Variants in SUMF1 observed in about 807,000 individuals in gnomAD.
SUMF1 encodes formylglycine-generating enzyme.
SUMF1 carries 48 observed loss-of-function variants against 47.6 expected under a neutral mutation model. That is an observed-to-expected ratio of 1.01 (90% CI 0.80 to 1.28). The LOEUF is 1.28. SUMF1 is among the 50% of genes most tolerant of loss of function. The probability of loss-of-function intolerance (pLI) is 0.00; values close to 1 mark genes in which losing one functional copy is unlikely to be tolerated. For missense variants in SUMF1, 571 were observed against 485.4 expected (o/e 1.18, Z -1.66); for synonymous variants, 230 against 192.1 (o/e 1.20, Z -1.63).
chr3:4,146,472 A>G (rs1339182890), intron 8 of SUMF1, among the ~76,000 whole-genome samples: 2 of 152,124 alleles, frequency 1.3e-5, no homozygotes, highest in Non-Finnish European at 2.9e-5. Context: ...CAACACTGTC[A>G]GCATATGAAA....
At chr3:4,443,239 C>T (rs711638) in intron 3 of SUMF1, among the ~76,000 whole-genome samples, 35,683 of 151,666 alleles carry the variant, frequency 0.24, 4,909 homozygotes, top group Non-Finnish European at 0.3. Context: ...GATTGCACAC[C>T]GCACTCTAGC....
chr3:4,289,001 A>G (rs886178431), intron 8 of SUMF1, among the ~76,000 whole-genome samples: 3 of 152,214 alleles, frequency 2.0e-5, no homozygotes, highest in Non-Finnish European at 4.4e-5. Context: ...CCATCTCTTT[A>G]TTCATTATCA....
intron 3 of SUMF1, among the ~76,000 whole-genome samples, chr3:4,447,509 T>C (rs147981340): frequency 1.3e-5 from 2 of 151,744 alleles, no homozygotes; most frequent in Admixed American, 6.6e-5. Flanking sequence ...CCCAAAATCA[T>C]CTCCCCTACT....
intron 1 of SUMF1, among the ~76,000 whole-genome samples, chr3:4,462,874 A>C (rs2079849918): frequency 6.6e-6 from 1 of 152,150 alleles, no homozygotes; most frequent in Non-Finnish European, 1.5e-5. Flanking sequence ...ATGAAATGAC[A>C]TTCAAAGTTT....
chr3:4,448,166 A>G (rs1702847042), intron 3 of SUMF1, among the ~76,000 whole-genome samples: 1 of 152,216 alleles, frequency 6.6e-6, no homozygotes, highest in African/African-American at 2.4e-5. Context: ...TCTAAAACAC[A>G]TATTAAAAAG....
chr3:4,190,874 TC>T (rs1695300569), intron 8 of SUMF1, among the ~76,000 whole-genome samples: 1 of 152,084 alleles, frequency 6.6e-6, no homozygotes, highest in African/African-American at 2.4e-5. Flanking sequence ...GTCTACTATG[TC>T]CCCACTATAA....
At chr3:4,280,546 G>A (rs989230095) in intron 8 of SUMF1, among the ~76,000 whole-genome samples, 4 of 152,020 alleles carry the variant, frequency 2.6e-5, no homozygotes, top group Non-Finnish European at 5.9e-5. Context: ...AGGCTTTATA[G>A]AGAAGGTAGC....
At chr3:4,270,639 A>G (rs1697284971) in intron 8 of SUMF1, among the ~76,000 whole-genome samples, 1 of 152,228 alleles carries the variant, frequency 6.6e-6, no homozygotes, top group African/African-American at 2.4e-5. Flanking sequence ...GTCAAAAAAT[A>G]GCATTAAACT....
At chr3:4,149,700 C>A (rs956221876) in intron 8 of SUMF1, among the ~76,000 whole-genome samples, 13 of 152,162 alleles carry the variant, frequency 8.5e-5, no homozygotes, top group African/African-American at 3.1e-4. Flanking sequence ...ATACTACTAT[C>A]TCGAAAATTC....
intron 8 of SUMF1, chr3:4,314,142 C>A: frequency 3.9e-6 from 1 of 259,572 alleles, no homozygotes; most frequent in South Asian, 9.9e-5. Flanking sequence ...GGAAAGGAAG[C>A]CATTGCATAG....
At chr3:4,091,081 A>AAAC (rs1262704341) in intron 8 of SUMF1, among the ~76,000 whole-genome samples, 1 of 145,328 alleles carries the variant, frequency 6.9e-6, no homozygotes, top group Non-Finnish European at 1.5e-5. Context: ...ACTCCATAAA[A>AAAC]AACAACAACA....
Position 4,417,248 on chromosome 3 carries a change from A to G in SUMF1, c.726-6T>C. ...TGTTGCCCCAGGGGAAAAGTCTGTC[A>G]GAAGAGACACAGGCATCAGCCTGTC... On this transcript the variant is annotated splice_polypyrimidine_tract_variant and splice_region_variant and intron_variant, in intron 5 of 8. Transcript: ENST00000272902. 6.2e-7 allele frequency: 1 copy of G among 1,613,532 alleles called. No homozygotes were observed. Among genetic ancestry groups the G allele is most frequent in the Non-Finnish European group, 8.5e-7 (1 of 1,179,494 alleles).
intron 8 of SUMF1, among the ~76,000 whole-genome samples, chr3:4,336,191 T>G (rs1399614368): frequency 2.0e-5 from 3 of 151,934 alleles, no homozygotes; most frequent in African/African-American, 7.3e-5. Flanking sequence ...GACCTATGAT[T>G]TTTCCAAGGG....
intron 8 of SUMF1, among the ~76,000 whole-genome samples, chr3:4,308,868 T>C (rs1698296145): frequency 6.6e-6 from 1 of 152,226 alleles, no homozygotes; most frequent in South Asian, 2.1e-4. Flanking sequence ...TTGAAGAGAT[T>C]TATTCTGAGC....
At position 4,361,291 on chromosome 3, in the gene SUMF1, A is replaced by G. The variant is rs548008330; in HGVS notation, c.*853T>C. 16 of 152,674 alleles carry G rather than the reference A, an allele frequency of 1.0e-4. No homozygotes were observed. Among genetic ancestry groups the G allele is most frequent in the African/African-American group, 3.4e-4 (14 of 41,528 alleles). The allele number at this position is 152,674 out of a possible 1,614,324, so 9.5% of individuals were successfully genotyped here. On this transcript the variant is annotated 3_prime_UTR_variant, in exon 9 of 9. Coordinates refer to ENST00000272902, the MANE Select transcript of SUMF1 (RefSeq NM_182760.4). ...TCAAGGTCCTCGTTCCTTTTTCCCTATATCTAGAATTAAACAGGTTTCCCC... is the reference window on the plus strand; with the variant it reads ...TCAAGGTCCTCGTTCCTTTTTCCCTGTATCTAGAATTAAACAGGTTTCCCC...
At chr3:4,412,202 T>G (rs1701565566) in intron 6 of SUMF1, among the ~76,000 whole-genome samples, 1 of 152,166 alleles carries the variant, frequency 6.6e-6, no homozygotes. Flanking sequence ...CAGTGAGGGC[T>G]TCAATAACAA....
chr3:4,122,262 T>A (rs1202202542), intron 8 of SUMF1, among the ~76,000 whole-genome samples: 1 of 152,206 alleles, frequency 6.6e-6, no homozygotes, highest in East Asian at 1.9e-4. Flanking sequence ...CAGAATATTA[T>A]TTCAGCATTC....
intron 9 of SUMF1, among the ~76,000 whole-genome samples, chr3:4,047,556 T>G (rs1024531989): frequency 1.3e-5 from 2 of 152,162 alleles, no homozygotes; most frequent in African/African-American, 4.8e-5. Flanking sequence ...GGCAGCCCAG[T>G]GGGGAGGTCA....
chr3:4,445,016 C>G (rs535093251), intron 3 of SUMF1, among the ~76,000 whole-genome samples: 1 of 152,246 alleles, frequency 6.6e-6, no homozygotes, highest in South Asian at 2.1e-4. Context: ...AGGACAGTTG[C>G]TTAAAGCTGG....
Sources: allele counts gnomAD v4.1 joint callset (sites outside exome capture counted in the v4.1 genomes callset), GRCh38; gene constraint gnomAD v4.1.1; transcripts MANE v1.5; gene names NCBI Gene and HGNC (gene_info 2026-07-23, HGNC 2026-07-21).